TUSC3: variants seen among roughly 807,000 people sequenced by gnomAD.
The protein encoded by TUSC3 is dolichyl-diphosphooligosaccharide--protein glycosyltransferase subunit TUSC3.
Under a neutral mutation model 44.8 loss-of-function variants are expected in TUSC3, and 45 were observed. The observed-to-expected ratio is 1.00, with a 90% CI of 0.79 to 1.29. The LOEUF (loss-of-function observed/expected upper bound fraction) is 1.29, where lower values mean the gene tolerates loss of function less well. TUSC3 is among the 50% of genes most tolerant of loss of function. The pLI, the probability that TUSC3 is intolerant of heterozygous loss-of-function variation, is 0.00. For missense variants in TUSC3, 519 were observed against 437.9 expected (o/e 1.19, Z -1.65); for synonymous variants, 212 against 152.9 (o/e 1.39, Z -2.85).
chr8:15,460,905 G>C (rs1342227091), intron 1 of TUSC3, among the ~76,000 whole-genome samples: 1 of 152,196 alleles, frequency 6.6e-6, no homozygotes, highest in Non-Finnish European at 1.5e-5. Flanking sequence ...TTTTATACCA[G>C]CATCACCCTG....
chr8:15,466,270 A>G (rs756837231), intron 1 of TUSC3, among the ~76,000 whole-genome samples: 11 of 152,146 alleles, frequency 7.2e-5, no homozygotes, highest in Non-Finnish European at 1.3e-4. Flanking sequence ...ATTCTACATC[A>G]AGAGGAAATC....
chr8:15,761,326 T>C (rs1292049320), intron 10 of TUSC3, among the ~76,000 whole-genome samples: 1 of 152,176 alleles, frequency 6.6e-6, no homozygotes. Flanking sequence ...TTCTTCTTTG[T>C]GTAAACAGTC....
chr8:15,457,451 C>T lies in TUSC3; in HGVS notation n.92-25935C>T, dbSNP rs537747106. Among the ~76,000 whole-genome samples the T allele has an allele frequency of 9.9e-5, 15 of 151,712 alleles. No homozygotes were observed. In the South Asian group the frequency reaches 3.1e-3, roughly 31 times the overall value. The stretch of plus-strand genomic sequence containing the variant: ...ACCATGATGCAAAACTATTTCATAA[C>T]ACTTTCATAGTGAAAAGTTAAAAAG... On this transcript the variant is annotated intron_variant and non_coding_transcript_variant, in intron 1 of 5. Coordinates refer to the TUSC3 transcript ENST00000503191.
chr8:15,806,277 T>G, the TUSC3 span: 1 of 631,240 alleles, frequency 1.6e-6, no homozygotes, highest in African/African-American at 1.8e-5. Flanking sequence ...GGGGATGTTC[T>G]CATTGGCTAA....
At chr8:15,719,673 A>G (rs923086679) in intron 6 of TUSC3, among the ~76,000 whole-genome samples, 1 of 152,110 alleles carries the variant, frequency 6.6e-6, no homozygotes, top group Admixed American at 6.6e-5. Context: ...ATACAACAAC[A>G]GTAGCTAACA....
At chr8:15,469,480 A>T (rs1791809917) in intron 1 of TUSC3, among the ~76,000 whole-genome samples, 1 of 152,258 alleles carries the variant, frequency 6.6e-6, no homozygotes, top group Admixed American at 6.5e-5. Flanking sequence ...AGAATGGCCA[A>T]AATCCAAATC....
intron 2 of TUSC3, among the ~76,000 whole-genome samples, chr8:15,518,803 T>C (rs942660452): frequency 6.6e-6 from 1 of 152,184 alleles, no homozygotes; most frequent in Non-Finnish European, 1.5e-5. Flanking sequence ...CTTGTTTTTA[T>C]AGAATTAAAC....
In TUSC3 at chr8:15,735,573, A is replaced by G. The variant is rs1005181243; in HGVS notation, c.862+4844A>G. 6.6e-5 allele frequency among the ~76,000 whole-genome samples: 10 copies of G among 152,376 alleles called. No homozygotes were observed. The East Asian group carries it at 1.7e-3, about 26-fold the overall frequency. On this transcript the variant is annotated intron_variant, in intron 7 of 10. Coordinates refer to ENST00000503731, the MANE Select transcript of TUSC3 (RefSeq NM_006765.4). The stretch of plus-strand genomic sequence containing the variant: ...TTTTCTACTTAGTAATATTTTGCCA[A>G]TAAATCAAAACCTCTGTGGTGAATA...
intron 5 of TUSC3, among the ~76,000 whole-genome samples, chr8:15,666,479 G>A (rs755619321): frequency 6.0e-5 from 9 of 151,130 alleles, no homozygotes; most frequent in Non-Finnish European, 1.0e-4. Context: ...CAACATTGGA[G>A]ATTAGTATAT....
chr8:15,530,074 C>T (rs1470091826), intron 2 of TUSC3, among the ~76,000 whole-genome samples: 6 of 134,722 alleles, frequency 4.5e-5, no homozygotes, highest in Non-Finnish European at 9.3e-5. Flanking sequence ...CGTGAGCCAC[C>T]GCGCCCGGCC....
At chr8:15,540,598 T>TG (rs1801649966) in intron 1 of TUSC3, 30 bp downstream of exon 1, 1 of 1,483,028 alleles carries the variant, frequency 6.7e-7, no homozygotes, top group Non-Finnish European at 9.1e-7. Context: ...CCTTCCCCTG[T>TG]GGGCGGGGGC....
At chr8:15,658,712 C>T (rs1585201512) in intron 3 of TUSC3, among the ~76,000 whole-genome samples, 1 of 150,982 alleles carries the variant, frequency 6.6e-6, no homozygotes, top group African/African-American at 2.4e-5. Flanking sequence ...TATATATACA[C>T]ATATATACAA....
In TUSC3 at chr8:15,764,440, T is replaced by C; in HGVS notation, c.*284T>C. 2.0e-6 allele frequency: 1 copy of C among 495,972 alleles called. No homozygotes were observed. The allele number at this position is 495,972 out of a possible 1,614,324, so 30.7% of individuals were successfully genotyped here. On this transcript the variant is annotated 3_prime_UTR_variant, in exon 11 of 11. Coordinates refer to ENST00000503731, the MANE Select transcript of TUSC3 (RefSeq NM_006765.4). Reference sequence around the variant, plus strand: ...CAAAGTGTTTTTCAAGCCTGTTATATTCAGTGTGTGCCACAGGATTGAAAT... The same window carrying C: ...CAAAGTGTTTTTCAAGCCTGTTATACTCAGTGTGTGCCACAGGATTGAAAT...
At chr8:15,832,920 G>C in the TUSC3 span, among the ~76,000 whole-genome samples, 3 of 152,046 alleles carry the variant, frequency 2.0e-5, no homozygotes, top group Admixed American at 1.3e-4. Context: ...CTCATCACTG[G>C]ATTAAATGGA....
At chr8:15,637,026 G>T (rs559428681) in intron 2 of TUSC3, among the ~76,000 whole-genome samples, 1 of 152,234 alleles carries the variant, frequency 6.6e-6, no homozygotes, top group South Asian at 2.1e-4. Flanking sequence ...TGATAATTCT[G>T]CTATACTATG....
the TUSC3 span, among the ~76,000 whole-genome samples, chr8:15,775,645 T>TATATAC: frequency 0.19 from 25,135 of 134,378 alleles, 2,187 homozygotes; most frequent in East Asian, 0.29. Flanking sequence ...TATATATATA[T>TATATAC]ATATACACAC....
chr8:15,592,082 T>C (rs757209742), intron 1 of TUSC3, among the ~76,000 whole-genome samples: 1 of 152,070 alleles, frequency 6.6e-6, no homozygotes, highest in Admixed American at 6.5e-5. Flanking sequence ...AAGTTATTCA[T>C]TGGACTTGGA....
intron 2 of TUSC3, among the ~76,000 whole-genome samples, chr8:15,512,706 G>A (rs1205780415): frequency 6.6e-6 from 1 of 151,734 alleles, no homozygotes; most frequent in African/African-American, 2.4e-5. Flanking sequence ...CCGGGAGGGA[G>A]AGGTTGCAGT....
chr8:15,851,590 G>A, the TUSC3 span, among the ~76,000 whole-genome samples: 5 of 152,266 alleles, frequency 3.3e-5, no homozygotes, highest in South Asian at 4.1e-4. Flanking sequence ...GAGCGTCATG[G>A]CGAGGGACTG....
Sources: allele counts gnomAD v4.1 joint callset (sites outside exome capture counted in the v4.1 genomes callset), GRCh38; gene constraint gnomAD v4.1.1; transcripts MANE v1.5; gene names NCBI Gene and HGNC (gene_info 2026-07-23, HGNC 2026-07-21).